Variants in VPS13A observed in about 807,000 individuals in gnomAD.
VPS13A encodes the protein intermembrane lipid transfer protein VPS13A.
VPS13A carries 264 observed loss-of-function variants against 390.9 expected under a neutral mutation model. That is an observed-to-expected ratio of 0.68 (90% CI 0.61 to 0.75). The LOEUF is 0.75. VPS13A is among the 30% of genes least tolerant of loss of function. VPS13A has a pLI of 0.00. For synonymous variants in VPS13A, 1,231 were observed against 1,227.1 expected (o/e 1.00, Z -0.07); for missense variants, 3,409 against 3,733.9 (o/e 0.91, Z 2.27).
chr9:77,283,439 A>G lies in VPS13A; in HGVS notation c.3203A>G (p.Gln1068Arg). 6.2e-7 allele frequency: 1 copy of G among 1,606,254 alleles called. No homozygotes were observed. The highest frequency in any genetic ancestry group is 8.5e-7 in the Non-Finnish European group (1 of 1,173,300). Reference protein sequence around the residue: ...LSCLQIFIQDQKCNISEIKIE... With the variant: ...LSCLQIFIQDRKCNISEIKIE... ...TGTTTACAGATCTTTATTCAAGATC[A>G]GAAATGTAACATTTCTGAAATTAAG... Residue 1068 changes from glutamine to arginine, a missense_variant, in exon 30 of 72, where the codon CAG becomes CGG. Transcript: ENST00000360280.
rs34989883 is a variant in VPS13A, at chr9:77,268,939, C to CA, written c.2428-4326dup. ...TGGGCGACAGAGCGATACTCCATCT[C>CA]AAAAAAAAAAAAAAAGAAAGTGAGT... On this transcript the variant is annotated intron_variant, in intron 23 of 71. Coordinates refer to ENST00000360280, the MANE Select transcript of VPS13A (RefSeq NM_033305.3). Among the ~76,000 whole-genome samples, 660 of 104,438 alleles carry CA rather than the reference C, an allele frequency of 6.3e-3. 3 individuals are homozygous for CA. The highest frequency in any genetic ancestry group is 0.043 in the South Asian group (142 of 3,294). 68.5% of individuals were successfully genotyped at this position (104,438 alleles called of 152,430 possible).
At chr9:77,295,446 T>G in intron 32 of VPS13A, 96 bp from the exon 33 acceptor site, 1 of 1,117,206 alleles carries the variant, frequency 9.0e-7, no homozygotes, top group Non-Finnish European at 1.2e-6. Context: ...AAGTAAAAGT[T>G]TTTTTTTAAA....
At chr9:77,378,191 C>T (rs977969363) in intron 67 of VPS13A, among the ~76,000 whole-genome samples, 2 of 151,958 alleles carry the variant, frequency 1.3e-5, no homozygotes, top group Admixed American at 1.3e-4. Context: ...AGGAAGTGTT[C>T]CCTCCTCTTC....
intron 44 of VPS13A, among the ~76,000 whole-genome samples, chr9:77,322,814 C>T (rs1829821119): frequency 1.3e-5 from 2 of 151,154 alleles, no homozygotes; most frequent in Non-Finnish European, 3.0e-5. Flanking sequence ...ATAGTACTTG[C>T]TCTCATTACT....
intron 17 of VPS13A, among the ~76,000 whole-genome samples, chr9:77,236,709 C>G (rs1824166760): frequency 6.6e-6 from 1 of 152,172 alleles, no homozygotes; most frequent in African/African-American, 2.4e-5. Context: ...AACACAGACT[C>G]AGAAAATAAG....
At chr9:77,219,140 C>T (rs1262794226) in intron 10 of VPS13A, among the ~76,000 whole-genome samples, 5 of 150,770 alleles carry the variant, frequency 3.3e-5, no homozygotes, top group Non-Finnish European at 5.9e-5. Context: ...TGTCACCAGC[C>T]ACTAAATTTA....
chr9:77,337,193 T>G (rs1234927970), intron 46 of VPS13A, 62 bp from the exon 47 acceptor site: 1 of 1,458,648 alleles, frequency 6.9e-7, no homozygotes, highest in African/African-American at 1.4e-5. Flanking sequence ...AAAGCTGTAA[T>G]TATATAGTTT....
intron 35 of VPS13A, among the ~76,000 whole-genome samples, chr9:77,309,089 A>C (rs1223503862): frequency 1.3e-5 from 2 of 152,190 alleles, no homozygotes; most frequent in Admixed American, 6.5e-5. Context: ...AACAAAAAAG[A>C]AGCTCTGACA....
At chr9:77,273,657 G>GT (rs1023360674) in intron 24 of VPS13A, among the ~76,000 whole-genome samples, 1 of 152,126 alleles carries the variant, frequency 6.6e-6, no homozygotes, top group East Asian at 1.9e-4. Context: ...AGGAAAAGAG[G>GT]TTTTGGGCTT....
chr9:77,341,023 G>A (rs566698658), intron 50 of VPS13A, among the ~76,000 whole-genome samples: 6 of 152,168 alleles, frequency 3.9e-5, no homozygotes, highest in Non-Finnish European at 8.8e-5. Flanking sequence ...AGAGGTTGAT[G>A]GAATATTTTA....
chr9:77,326,142 C>G (rs1003567609), intron 45 of VPS13A, among the ~76,000 whole-genome samples: 1 of 151,956 alleles, frequency 6.6e-6, no homozygotes, highest in Non-Finnish European at 1.5e-5. Flanking sequence ...ATTTGCTTTT[C>G]TACAAAATGT....
At chr9:77,323,711 TTTCCCA>T (rs1231167245) in intron 45 of VPS13A, among the ~76,000 whole-genome samples, 2 of 152,170 alleles carry the variant, frequency 1.3e-5, no homozygotes, top group African/African-American at 4.8e-5. Flanking sequence ...GTTTCCCCAC[TTTCCCA>T]TTCCCAGGCA....
At chr9:77,234,132 TTTC>T (rs1393263406) in intron 17 of VPS13A, among the ~76,000 whole-genome samples, 2 of 152,194 alleles carry the variant, frequency 1.3e-5, no homozygotes, top group African/African-American at 2.4e-5. Context: ...ATAATGACCT[TTTC>T]TTCTTGTCAC....
At chr9:77,351,242 GTAT>G (rs1831447461) in intron 52 of VPS13A, 72 bp from the exon 53 acceptor site, 1 of 1,560,832 alleles carries the variant, frequency 6.4e-7, no homozygotes, top group Non-Finnish European at 8.8e-7. Flanking sequence ...AATTAATGAA[GTAT>G]TATTTTAGTT....
rs567454373 is a variant in VPS13A at position 77,316,979 on chromosome 9, C to T, written c.4863+573C>T. Among the ~76,000 whole-genome samples, 30 of 151,896 alleles carry T rather than the reference C, an allele frequency of 2.0e-4. No homozygotes were observed. In the South Asian group the frequency reaches 5.6e-3, roughly 28 times the overall value. On this transcript the variant is annotated intron_variant, in intron 39 of 71. Transcript: ENST00000360280. ...TTCAAGTTAACTGGCTGACTTCCAGCGAATACTTACAAAAATATTTGAGCT... is the reference window on the plus strand; with the variant it reads ...TTCAAGTTAACTGGCTGACTTCCAGTGAATACTTACAAAAATATTTGAGCT...
rs753745083 is a variant in VPS13A at position 77,357,650 on chromosome 9, T to G, written c.7807-42T>G. 2.5e-6 allele frequency: 4 copies of G among 1,595,804 alleles called. No homozygotes were observed. The South Asian group carries it at 3.4e-5, about 13-fold the overall frequency. ...ATTAATTTCTAATTCTAGTCATTTA[T>G]AGATAAATTAATTTTTTCATTTGGG... On this transcript the variant is annotated intron_variant, in intron 55 of 71. Coordinates refer to ENST00000360280, the MANE Select transcript of VPS13A (RefSeq NM_033305.3).
intron 37 of VPS13A, among the ~76,000 whole-genome samples, 189 bp downstream of exon 37, chr9:77,314,853 GGATAATT>G (rs1829296890): frequency 1.3e-5 from 2 of 152,072 alleles, no homozygotes; most frequent in South Asian, 4.1e-4. Flanking sequence ...TATTCTTACT[GGATAATT>G]GATAGATTGG....
chr9:77,260,387 C>T (rs1314470644), intron 23 of VPS13A, among the ~76,000 whole-genome samples, 163 bp downstream of exon 23: 1 of 131,824 alleles, frequency 7.6e-6, no homozygotes, highest in Non-Finnish European at 1.5e-5. Context: ...GATGGAGTCT[C>T]GCTCTGTCAC....
rs1835325899 is a variant in VPS13A at position 77,421,109 on chromosome 9, G to GT, written c.*5109dup. The GT allele has an allele frequency of 6.6e-6, 1 of 152,176 alleles. No homozygotes were observed. The highest frequency in any genetic ancestry group is 1.9e-4 in the East Asian group (1 of 5,202). The allele number at this position is 152,176 out of a possible 1,614,324, so 9.4% of individuals were successfully genotyped here. A position where few individuals can be genotyped will look rare whatever the true frequency, so the allele number is the denominator to read the frequency against. ...ACTTTAAAAATACTTTCTCTTGCTA[G>GT]TTTTTTAAATTGATGAAATAGCCTG... On this transcript the variant is annotated 3_prime_UTR_variant, in exon 72 of 72. Coordinates refer to ENST00000360280, the MANE Select transcript of VPS13A (RefSeq NM_033305.3).
Sources: gnomAD v4.1 joint callset for allele counts (sites outside exome capture counted in the v4.1 genomes callset) on GRCh38, gnomAD v4.1.1 for gene constraint, MANE v1.5 for transcripts, NCBI Gene and HGNC (gene_info 2026-07-23, HGNC 2026-07-21) for gene names.